The following RBKS variants were observed in gnomAD, a reference collection of about 807,000 sequenced individuals.
RBKS encodes ribokinase.
In RBKS, 33 loss-of-function variants were observed where a neutral mutation model predicts 33.9. The observed-to-expected ratio is 0.97, with a 90% confidence interval of 0.74 to 1.30. RBKS has a LOEUF of 1.30. Among genes scored for constraint, RBKS ranks in the 50% most tolerant of loss-of-function variants. RBKS has a pLI of 0.00. For synonymous variants in RBKS, 125 were observed against 143.0 expected, an observed-to-expected ratio of 0.87 and a Z score of 0.90; for missense variants, 361 against 392.6, an observed-to-expected ratio of 0.92 and a Z score of 0.68.
rs563249976 is a variant in RBKS at position 27,795,880 on chromosome 2, C to T, written c.796-14092G>A. Among the ~76,000 whole-genome samples, 44 of 152,266 alleles carry T rather than the reference C, an allele frequency of 2.9e-4. No homozygotes were observed. Among genetic ancestry groups the T allele is most frequent in the African/African-American group, 1.0e-3 (42 of 41,552 alleles). On this transcript the variant is annotated intron_variant, in intron 7 of 7. Coordinates refer to ENST00000302188, the MANE Select transcript of RBKS (RefSeq NM_022128.3). The surrounding 1 kb of genome is among the most constrained non-coding windows in gnomAD (Gnocchi z 4.1). ...GCTGAACGTTTTCTGTACAAGCCTT[C>T]GCTCTGGGACAATCTGAACTCTCTT... is the stretch of plus-strand genomic sequence containing the variant.
chr2:27,814,999 A>G (rs1037154950), intron 7 of RBKS, among the ~76,000 whole-genome samples: 1 of 152,224 alleles, frequency 6.6e-6, no homozygotes, highest in East Asian at 1.9e-4. Context: ...ACATGCCATC[A>G]ACATAGACAT....
chr2:27,794,623 T>TC (rs1475421032), intron 7 of RBKS, among the ~76,000 whole-genome samples: 1 of 135,530 alleles, frequency 7.4e-6, no homozygotes, highest in African/African-American at 2.7e-5. Flanking sequence ...CGTTTTTTTT[T>TC]CTTTTTTTTT....
chr2:27,857,032 CAAAT>C (rs1663871067), intron 2 of RBKS, among the ~76,000 whole-genome samples: 1 of 152,074 alleles, frequency 6.6e-6, no homozygotes, highest in South Asian at 2.1e-4. Flanking sequence ...TGTTTTTGAC[CAAAT>C]AGCCATGTGA....
intron 7 of RBKS, among the ~76,000 whole-genome samples, chr2:27,790,221 C>G (rs1677497036): frequency 6.6e-6 from 1 of 151,938 alleles, no homozygotes; most frequent in African/African-American, 2.4e-5. Flanking sequence ...GAGGAAAGGG[C>G]AGTCTTTTAA....
At chr2:27,805,523 G>C (rs1252374425) in intron 7 of RBKS, among the ~76,000 whole-genome samples, 4 of 152,154 alleles carry the variant, frequency 2.6e-5, no homozygotes, top group Non-Finnish European at 5.9e-5. Flanking sequence ...GCTTTCCCGG[G>C]TCCTTGTAGG....
intron 7 of RBKS, chr2:27,809,764 C>G: frequency 2.7e-6 from 1 of 365,434 alleles, no homozygotes; most frequent in South Asian, 2.4e-5. Context: ...TCATTGTTCT[C>G]CAAGAAAAAT....
Position 27,781,708 on chromosome 2 carries a change from G to A in RBKS, c.876C>T (p.Asn292=). 4 of 1,614,128 alleles carry A rather than the reference G, an allele frequency of 2.5e-6. No homozygotes were observed. The highest frequency in any genetic ancestry group is 1.6e-4 in the Middle Eastern group (1 of 6,062). Residue 292 remains asparagine (N), a synonymous_variant, in exon 8 of 8, where the codon AAC becomes AAT. Transcript: ENST00000302188. ...YPNLSLEDML[N]RSNFIAAVSV... ...TGACTGCTGCAATGAAATTGGATCT[G>A]TTGAGCATGTCTTCCAAGGACAGAT...
chr2:27,789,530 CTGGGAGTATA>C (rs1188265714), intron 7 of RBKS, among the ~76,000 whole-genome samples: 2 of 151,560 alleles, frequency 1.3e-5, no homozygotes, highest in Non-Finnish European at 2.9e-5. Flanking sequence ...TCCCAAGTAG[CTGGGAGTATA>C]GATGTGTGCC....
chr2:27,854,187 A>C (rs1202343874), intron 2 of RBKS, among the ~76,000 whole-genome samples: 1 of 152,262 alleles, frequency 6.6e-6, no homozygotes, highest in Non-Finnish European at 1.5e-5. Context: ...AGAGTCATAC[A>C]AACTACAAGG....
chr2:27,876,706 T>C (rs1664322552), intron 1 of RBKS, among the ~76,000 whole-genome samples: 1 of 152,090 alleles, frequency 6.6e-6, no homozygotes, highest in Non-Finnish European at 1.5e-5. Context: ...ATCATTTCCA[T>C]TTAGGAAGAT....
intron 1 of RBKS, among the ~76,000 whole-genome samples, chr2:27,860,104 A>G (rs1289251933): frequency 2.6e-5 from 4 of 152,138 alleles, no homozygotes; most frequent in Non-Finnish European, 5.9e-5. Context: ...TTTAAATTCT[A>G]TTTTTATCTT....
intron 7 of RBKS, among the ~76,000 whole-genome samples, chr2:27,816,887 G>A (rs1421784653): frequency 2.0e-5 from 3 of 152,206 alleles, no homozygotes; most frequent in African/African-American, 7.2e-5. Flanking sequence ...GTGAGCCACC[G>A]CGCCCGGCCT....
intron 2 of RBKS, 116 bp from the exon 3 acceptor site, chr2:27,848,213 TTAAC>T (rs1304221944): frequency 7.0e-6 from 4 of 575,106 alleles, no homozygotes; most frequent in East Asian, 6.4e-5. Flanking sequence ...TTTATAAACA[TTAAC>T]TAATTAATCT....
In RBKS at chr2:27,841,221, A is replaced by G. The variant is rs535799477; in HGVS notation, c.514+1846T>C. On this transcript the variant is annotated intron_variant, in intron 5 of 7. Transcript: ENST00000302188. ...CCGGATTACTCTATTCTCACCTGTG[A>G]AAGGTTAGCTCCTCAACTGTGGCTG... Among the ~76,000 whole-genome samples the G allele has an allele frequency of 2.0e-5, 3 of 152,228 alleles. No homozygotes were observed. In the East Asian group the frequency reaches 5.8e-4, roughly 29 times the overall value.
chr2:27,783,110 G>A (rs1013875712), intron 7 of RBKS, among the ~76,000 whole-genome samples: 6 of 152,072 alleles, frequency 3.9e-5, no homozygotes, highest in African/African-American at 1.4e-4. Context: ...TTTGACATAC[G>A]CCCATCCTTT....
At chr2:27,782,171 T>C (rs1677301425) in intron 7 of RBKS, among the ~76,000 whole-genome samples, 1 of 152,110 alleles carries the variant, frequency 6.6e-6, no homozygotes, top group African/African-American at 2.4e-5. Flanking sequence ...TTTTTTTCTT[T>C]TTTTTAAAGA....
At chr2:27,849,577 A>G (rs1464890168) in intron 2 of RBKS, among the ~76,000 whole-genome samples, 2 of 147,984 alleles carry the variant, frequency 1.4e-5, no homozygotes, top group Non-Finnish European at 3.0e-5. Context: ...AAAAAAAAAA[A>G]AAAAAAAAAG....
chr2:27,862,256 T>C (rs747548838), intron 1 of RBKS, among the ~76,000 whole-genome samples: 5 of 152,132 alleles, frequency 3.3e-5, no homozygotes, highest in African/African-American at 4.8e-5. Context: ...GGCTGATTTA[T>C]GTTATTTAAA....
At chr2:27,877,463 AT>A (rs1412401355) in intron 1 of RBKS, among the ~76,000 whole-genome samples, 1 of 152,108 alleles carries the variant, frequency 6.6e-6, no homozygotes, top group African/African-American at 2.4e-5. Flanking sequence ...GAATACCTGT[AT>A]TTTTTCTTAA....
Sources: allele counts gnomAD v4.1 joint callset (sites outside exome capture counted in the v4.1 genomes callset), GRCh38; gene constraint gnomAD v4.1.1; non-coding constraint Gnocchi (gnomAD v3.1); transcripts MANE v1.5; gene names NCBI Gene and HGNC (gene_info 2026-07-23, HGNC 2026-07-21).